Variants in ITPR1 observed in about 807,000 individuals in gnomAD.
ITPR1 encodes inositol 1,4,5-trisphosphate receptor type 1.
In ITPR1, 96 loss-of-function variants were observed where a neutral mutation model predicts 318.4. That is an observed-to-expected ratio of 0.30 (90% confidence interval 0.26 to 0.36). ITPR1 has a LOEUF of 0.36. Ranked by LOEUF, ITPR1 falls within the 10% of genes least tolerant of loss-of-function variation. The pLI, the probability that ITPR1 is intolerant of heterozygous loss-of-function variation, is 1.00. For synonymous variants in ITPR1, 1,312 were observed against 1,289.9 expected (o/e 1.02, Z -0.37); for missense variants, 2,440 against 3,460.2 (o/e 0.71, Z 7.40).
At chr3:4,684,923 C>A in intron 29 of ITPR1, 146 bp from the exon 30 acceptor site, 1 of 722,220 alleles carries the variant, frequency 1.4e-6, no homozygotes. Flanking sequence ...ATGGAGTCAA[C>A]AGAAATGCCA....
Position 4,579,653 on chromosome 3 carries a change from C to A in ITPR1, c.164-48110C>A, listed in dbSNP as rs370741093. The stretch of plus-strand genomic sequence containing the variant: ...CCTGTTACGGATCTTGCTTCCTTTC[C>A]GTAGGAAAGTTCATTTTAGAAAGTA... On this transcript the variant is annotated intron_variant, in intron 4 of 61. Coordinates refer to ENST00000649015, the MANE Select transcript of ITPR1 (RefSeq NM_001378452.1). Among the ~76,000 whole-genome samples, 4 of 152,162 alleles carry A rather than the reference C, an allele frequency of 2.6e-5. No individual in the cohort carries two copies. In the East Asian group the frequency reaches 7.7e-4, roughly 29 times the overall value.
intron 2 of ITPR1, among the ~76,000 whole-genome samples, chr3:4,513,778 C>T (rs2081998829): frequency 1.3e-5 from 2 of 152,048 alleles, no homozygotes; most frequent in Non-Finnish European, 1.5e-5. Context: ...TGATAAACAC[C>T]TCCACTGAAG....
At chr3:4,780,692 T>G (rs1482529756) in intron 49 of ITPR1, among the ~76,000 whole-genome samples, 11 of 152,352 alleles carry the variant, frequency 7.2e-5, no homozygotes, top group Admixed American at 7.2e-4. Context: ...CTTTGATCTC[T>G]GAGGTCAGGG....
In ITPR1 at chr3:4,840,527, T is replaced by C. The variant is rs1300569046; in HGVS notation, c.8190+3592T>C. 2.6e-5 allele frequency among the ~76,000 whole-genome samples: 4 copies of C among 152,344 alleles called. 1 individual carries two copies. The highest frequency in any genetic ancestry group is 1.5e-5 in the Non-Finnish European group (1 of 68,024). On this transcript the variant is annotated intron_variant, in intron 61 of 61. Transcript: ENST00000649015. ...AAAAACCAGCAGACTCGAGCAACGA[T>C]AGCTTAAATGTGGATGACTTTGGTC...
Position 4,806,219 on chromosome 3 carries a change from G to A in ITPR1, c.7224G>A (p.Val2408=). Residue 2408 remains valine, a synonymous_variant, in exon 55 of 62, where the codon GTG becomes GTA. Transcript: ENST00000649015. ...VEFLYHLLYL[V]ICAMGLFVHE... is the part of the protein sequence containing the mutation. Reference sequence around the variant, plus strand: ...TCCTCTATCATTTGTTGTATCTGGTGATCTGTGCCATGGGGCTCTTTGTCC... The same window carrying A: ...TCCTCTATCATTTGTTGTATCTGGTAATCTGTGCCATGGGGCTCTTTGTCC... The A allele has an allele frequency of 6.2e-7, 1 of 1,614,026 alleles. No homozygotes were observed.
chr3:4,496,528 G>A (rs2080585223), intron 2 of ITPR1, among the ~76,000 whole-genome samples: 2 of 152,154 alleles, frequency 1.3e-5, no homozygotes, highest in Non-Finnish European at 2.9e-5. Flanking sequence ...CCAAGTGATT[G>A]TCTTTTGGAG....
chr3:4,497,360 T>C (rs2080671607), intron 2 of ITPR1, among the ~76,000 whole-genome samples: 1 of 152,238 alleles, frequency 6.6e-6, no homozygotes. Flanking sequence ...TTTTATTCTT[T>C]ATTCAACAAA....
Position 4,766,554 on chromosome 3 carries a change from G to A in ITPR1, c.5569G>A (p.Glu1857Lys). ...IQHSFFCRLT[E>K]DKKSEKFFKV... ...GCACTCCTTTTTCTGTCGCTTGACA[G>A]AAGATAAGAAGTCAGAGAAATTCTT... The change falls in exon 45 of 62, where the codon GAA (glutamate) becomes AAA (lysine). Residue 1857 changes from glutamate (E) to lysine (K), a missense_variant. By Grantham distance (56) the Glu-to-Lys change is moderately conservative (BLOSUM62 1). Around this residue, in one of 23 missense-constraint regions of ITPR1, gnomAD observed 80 missense variants for 122.0 expected, o/e 0.66. Coordinates refer to ENST00000649015, the MANE Select transcript of ITPR1 (RefSeq NM_001378452.1). 6.2e-7 allele frequency: 1 copy of A among 1,613,780 alleles called. No individual in the cohort carries two copies. The highest frequency in any genetic ancestry group is 8.5e-7 in the Non-Finnish European group (1 of 1,179,742).
chr3:4,593,121 C>T (rs1022894121), intron 4 of ITPR1, among the ~76,000 whole-genome samples: 1 of 152,202 alleles, frequency 6.6e-6, no homozygotes, highest in Admixed American at 6.5e-5. Flanking sequence ...AATACATTTT[C>T]ACTAACTCAT....
intron 2 of ITPR1, among the ~76,000 whole-genome samples, chr3:4,496,891 CA>C (rs947940925): frequency 1.2e-4 from 18 of 152,068 alleles, no homozygotes; most frequent in African/African-American, 4.3e-4. Flanking sequence ...AAAAAACAGC[CA>C]AAATAAAAGT....
intron 10 of ITPR1, among the ~76,000 whole-genome samples, chr3:4,650,644 T>TGTGTGC (rs1337776997): frequency 3.4e-4 from 9 of 26,548 alleles, no homozygotes; most frequent in Non-Finnish European, 8.7e-4. Flanking sequence ...TGTGTGTGTG[T>TGTGTGC]GCGCGCGTCT....
intron 39 of ITPR1, among the ~76,000 whole-genome samples, chr3:4,714,939 A>T (rs978008321): frequency 2.6e-5 from 4 of 152,208 alleles, no homozygotes; most frequent in Non-Finnish European, 4.4e-5. Flanking sequence ...AAAGTCATGG[A>T]TATTCACTAG....
At chr3:4,667,301 C>T (rs1344912945) in intron 17 of ITPR1, 76 bp from the exon 18 acceptor site, 7 of 1,151,768 alleles carry the variant, frequency 6.1e-6, no homozygotes, top group Non-Finnish European at 8.6e-6. Flanking sequence ...GGAAACATTG[C>T]TGCTTTCTTT....
chr3:4,505,553 A>T (rs1024837836), intron 2 of ITPR1, among the ~76,000 whole-genome samples: 2 of 152,226 alleles, frequency 1.3e-5, no homozygotes, highest in Non-Finnish European at 2.9e-5. Flanking sequence ...CCAGCACCAA[A>T]GGACGTTGGC....
chr3:4,803,398 A>G (rs1012085435), intron 54 of ITPR1, among the ~76,000 whole-genome samples: 1 of 152,204 alleles, frequency 6.6e-6, no homozygotes, highest in African/African-American at 2.4e-5. Flanking sequence ...TTCAGTCACA[A>G]ATGATTGGGA....
At position 4,742,456 on chromosome 3, in the gene ITPR1, G is replaced by A. The variant is rs567014526; in HGVS notation, c.5544+7102G>A. Among the ~76,000 whole-genome samples, 7 of 152,134 alleles carry A rather than the reference G, an allele frequency of 4.6e-5. No homozygotes were observed. In the South Asian group the frequency reaches 6.2e-4, roughly 14 times the overall value. On this transcript the variant is annotated intron_variant, in intron 44 of 61. Coordinates refer to ENST00000649015, the MANE Select transcript of ITPR1 (RefSeq NM_001378452.1). ...ATATGCCCACCTCAGGACTCCTGGCGAAGTCCACCTCACTCATCCCACTGG... is the reference window on the plus strand; with the variant it reads ...ATATGCCCACCTCAGGACTCCTGGCAAAGTCCACCTCACTCATCCCACTGG...
intron 24 of ITPR1, among the ~76,000 whole-genome samples, chr3:4,679,472 C>T (rs533590424): frequency 6.6e-6 from 1 of 152,318 alleles, no homozygotes; most frequent in Admixed American, 6.5e-5. Context: ...GCCGGAGAAC[C>T]TGGAGCTCTG....
chr3:4,509,729 C>T (rs2081657585), intron 2 of ITPR1, among the ~76,000 whole-genome samples: 1 of 152,156 alleles, frequency 6.6e-6, no homozygotes, highest in Non-Finnish European at 1.5e-5. Flanking sequence ...CCTGGGAGGT[C>T]AAGGCTGCAG....
intron 53 of ITPR1, 46 bp from the exon 54 acceptor site, chr3:4,800,379 C>A: frequency 6.3e-7 from 1 of 1,590,410 alleles, no homozygotes; most frequent in Non-Finnish European, 8.6e-7. Flanking sequence ...CCCCTGTACT[C>A]AGTGAAGGCA....
Sources: allele counts gnomAD v4.1 joint callset (sites outside exome capture counted in the v4.1 genomes callset), GRCh38; gene constraint gnomAD v4.1.1; regional missense constraint gnomAD v4.1.1; transcripts MANE v1.5; gene names NCBI Gene and HGNC (gene_info 2026-07-23, HGNC 2026-07-21).